PARP8: variants seen among roughly 807,000 people sequenced by gnomAD.
The protein encoded by PARP8 is poly(ADP-ribose) polymerase family member 8.
A neutral mutation model predicts 124.1 loss-of-function variants in PARP8; 51 were observed. The observed-to-expected ratio is 0.41, with a 90% confidence interval of 0.33 to 0.52. The LOEUF is 0.52. Ranked by LOEUF, PARP8 falls within the 20% of genes least tolerant of loss-of-function variation. PARP8 has a pLI of 0.21. For synonymous variants in PARP8, 391 were observed against 361.5 expected, an observed-to-expected ratio of 1.08 and a Z score of -0.93; for missense variants, 860 against 1,018.9, an observed-to-expected ratio of 0.84 and a Z score of 2.12.
intron 14 of PARP8, among the ~76,000 whole-genome samples, chr5:50,800,614 C>A (rs1580385142): frequency 6.6e-6 from 1 of 152,228 alleles, no homozygotes; most frequent in East Asian, 1.9e-4. Flanking sequence ...GTTTTATAAT[C>A]ATGAAAGCAT....
rs376311555 is a variant in PARP8 at position 50,703,043 on chromosome 5, G to A, written c.146+34918G>A. On this transcript the variant is annotated intron_variant, in intron 2 of 25. Transcript: ENST00000281631. ...AGGCCAGGTGATGTGGCTCGTGCCT[G>A]TAATCCCAGCACTTTGGGAGGCTGA... Among the ~76,000 whole-genome samples, 47 of 152,258 alleles carry A rather than the reference G, an allele frequency of 3.1e-4. No homozygotes were observed. The South Asian group carries it at 9.1e-3, about 30-fold the overall frequency.
At chr5:50,830,155 A>G (rs1287445830) in intron 22 of PARP8, among the ~76,000 whole-genome samples, 194 bp downstream of exon 22, 1 of 152,162 alleles carries the variant, frequency 6.6e-6, no homozygotes, top group Non-Finnish European at 1.5e-5. Flanking sequence ...TACAAGATGG[A>G]ATATATGTTT....
At chr5:50,749,084 G>T (rs1758932784) in intron 2 of PARP8, among the ~76,000 whole-genome samples, 1 of 152,038 alleles carries the variant, frequency 6.6e-6, no homozygotes, top group Admixed American at 6.5e-5. Context: ...TTAACATTAT[G>T]GTGGGCTAAT....
At chr5:50,697,495 A>G (rs1318273437) in intron 2 of PARP8, among the ~76,000 whole-genome samples, 1 of 152,232 alleles carries the variant, frequency 6.6e-6, no homozygotes, top group East Asian at 1.9e-4. Flanking sequence ...AATTATATTT[A>G]TCGTTATCTT....
intron 1 of PARP8, 84 bp from the exon 2 acceptor site, chr5:50,667,987 C>G (rs938111266): frequency 1.9e-6 from 3 of 1,607,076 alleles, no homozygotes; most frequent in Non-Finnish European, 1.7e-6. Context: ...TCCCCTGACA[C>G]CACCGAATGT....
In PARP8 at chr5:50,760,422, G is replaced by T; in HGVS notation, c.345+60G>T. On this transcript the variant is annotated intron_variant, in intron 5 of 25. Transcript: ENST00000281631. ...GTATAGATATATTTAAAATTTACTG[G>T]GTTTTTGTAGTTAATAGCATCATTA... 4 of 1,228,532 alleles carry T rather than the reference G, an allele frequency of 3.3e-6. No individual in the cohort carries two copies. In the South Asian group the frequency reaches 5.4e-5, roughly 17 times the overall value. 76.1% of individuals were successfully genotyped at this position (1,228,532 alleles called of 1,614,324 possible).
intron 22 of PARP8, among the ~76,000 whole-genome samples, chr5:50,831,866 T>G (rs960898664): frequency 1.3e-5 from 2 of 152,156 alleles, no homozygotes; most frequent in Non-Finnish European, 2.9e-5. Flanking sequence ...CTAAAACAAA[T>G]GTAAGAATCA....
chr5:50,747,165 T>TTTGTTTTG (rs1453389886), intron 2 of PARP8, among the ~76,000 whole-genome samples: 8 of 141,670 alleles, frequency 5.6e-5, no homozygotes, highest in Admixed American at 2.1e-4. Flanking sequence ...TTTGTTTTGT[T>TTTGTTTTG]TTTTTTTTTT....
chr5:50,741,817 T>C (rs1186704178), intron 2 of PARP8: 11 of 424,270 alleles, frequency 2.6e-5, no homozygotes, highest in East Asian at 1.5e-4. Flanking sequence ...TTTTCTTCTT[T>C]TTTTTTTTTT....
chr5:50,723,387 C>G (rs1756103690), intron 2 of PARP8, among the ~76,000 whole-genome samples: 1 of 151,986 alleles, frequency 6.6e-6, no homozygotes, highest in South Asian at 2.1e-4. Context: ...CAGTTGCCTT[C>G]TCAAGACTTT....
At chr5:50,679,584 G>A (rs1751046309) in intron 2 of PARP8, among the ~76,000 whole-genome samples, 2 of 152,102 alleles carry the variant, frequency 1.3e-5, no homozygotes, top group Non-Finnish European at 2.9e-5. Context: ...GATACATTTG[G>A]CAATTTCGAC....
At chr5:50,687,869 A>T (rs1752043249) in intron 2 of PARP8, among the ~76,000 whole-genome samples, 1 of 152,124 alleles carries the variant, frequency 6.6e-6, no homozygotes, top group Non-Finnish European at 1.5e-5. Context: ...ATTCAAGATG[A>T]GATTTGTATA....
intron 14 of PARP8, among the ~76,000 whole-genome samples, chr5:50,810,751 C>T (rs1386520139): frequency 6.6e-6 from 1 of 151,994 alleles, no homozygotes; most frequent in Non-Finnish European, 1.5e-5. Context: ...TATACAAACA[C>T]CTCAAAACTA....
chr5:50,688,891 G>A (rs1200025579), intron 2 of PARP8, among the ~76,000 whole-genome samples: 3 of 152,112 alleles, frequency 2.0e-5, no homozygotes, highest in Admixed American at 6.6e-5. Context: ...GGTAGCCCAA[G>A]CTACTCAGAC....
intron 2 of PARP8, among the ~76,000 whole-genome samples, chr5:50,744,166 T>G (rs1356934633): frequency 6.6e-6 from 1 of 152,206 alleles, no homozygotes; most frequent in Non-Finnish European, 1.5e-5. Flanking sequence ...TTCTTTCATC[T>G]TCAAGCCTAA....
At chr5:50,679,855 A>G (rs1217008538) in intron 2 of PARP8, among the ~76,000 whole-genome samples, 1 of 152,200 alleles carries the variant, frequency 6.6e-6, no homozygotes, top group Non-Finnish European at 1.5e-5. Flanking sequence ...AAATGCAACA[A>G]CGGAAGAAAT....
At chr5:50,674,700 C>T (rs1222880392) in intron 2 of PARP8, among the ~76,000 whole-genome samples, 2 of 152,148 alleles carry the variant, frequency 1.3e-5, no homozygotes, top group African/African-American at 4.8e-5. Context: ...TTAGTGACCA[C>T]CCCCCGCCCA....
chr5:50,772,932 A>G (rs575253537), intron 7 of PARP8, among the ~76,000 whole-genome samples: 109 of 152,272 alleles, frequency 7.2e-4, no homozygotes, highest in African/African-American at 2.6e-3. Flanking sequence ...CTCCTGACCC[A>G]GTAGATCTGC....
At chr5:50,755,603 G>C (rs1759846113) in intron 3 of PARP8, among the ~76,000 whole-genome samples, 1 of 152,186 alleles carries the variant, frequency 6.6e-6, no homozygotes, top group Non-Finnish European at 1.5e-5. Flanking sequence ...ATAGTTTGAA[G>C]TCAGGTAGTT....
Sources: allele counts gnomAD v4.1 joint callset (sites outside exome capture counted in the v4.1 genomes callset), GRCh38; gene constraint gnomAD v4.1.1; transcripts MANE v1.5; gene names NCBI Gene and HGNC (gene_info 2026-07-23, HGNC 2026-07-21).